Variants in SCMH1 observed in about 807,000 individuals in gnomAD.
SCMH1 encodes the protein Scm polycomb group protein homolog 1.
In SCMH1, 37 loss-of-function variants were observed where a neutral mutation model predicts 70.8. That is an observed-to-expected ratio of 0.52 (90% CI 0.40 to 0.69). The LOEUF (loss-of-function observed/expected upper bound fraction) is 0.69, where lower values mean the gene tolerates loss of function less well. Ranked by LOEUF, SCMH1 falls within the 30% of genes least tolerant of loss-of-function variation. SCMH1 has a pLI of 0.00. For missense variants in SCMH1, 607 were observed against 827.3 expected, an observed-to-expected ratio of 0.73 and a Z score of 3.27; for synonymous variants, 292 against 307.4, an observed-to-expected ratio of 0.95 and a Z score of 0.52.
chr1:41,170,381 C>A (rs1394048170), intron 2 of SCMH1, among the ~76,000 whole-genome samples: 1 of 152,172 alleles, frequency 6.6e-6, no homozygotes, highest in Non-Finnish European at 1.5e-5. Flanking sequence ...TCAGTTTTTC[C>A]TACCCATTCG....
At chr1:41,219,022 G>C (rs1305370822) in intron 1 of SCMH1, among the ~76,000 whole-genome samples, 4 of 148,360 alleles carry the variant, frequency 2.7e-5, no homozygotes, top group Non-Finnish European at 5.9e-5. Flanking sequence ...TTAGAGGGCT[G>C]GGGCTTTGAA....
chr1:41,182,364 C>A (rs1649039301), intron 2 of SCMH1, among the ~76,000 whole-genome samples: 1 of 151,950 alleles, frequency 6.6e-6, no homozygotes, highest in South Asian at 2.1e-4. Flanking sequence ...AAAAAGAAAA[C>A]AAAATCCATA....
intron 1 of SCMH1, among the ~76,000 whole-genome samples, chr1:41,198,151 A>G (rs1457958793): frequency 6.6e-6 from 1 of 152,198 alleles, no homozygotes; most frequent in Non-Finnish European, 1.5e-5. Context: ...TGATATATAG[A>G]GGGTGCTGCC....
chr1:41,108,750 C>A (rs996172799), intron 8 of SCMH1, among the ~76,000 whole-genome samples: 1 of 152,118 alleles, frequency 6.6e-6, no homozygotes, highest in Non-Finnish European at 1.5e-5. Flanking sequence ...GCTGATGAAC[C>A]TAAAATCATG....
chr1:41,238,076 G>A (rs942869547), intron 1 of SCMH1, among the ~76,000 whole-genome samples: 6 of 152,180 alleles, frequency 3.9e-5, no homozygotes, highest in African/African-American at 1.4e-4. Flanking sequence ...AGCTCACAGA[G>A]GCTAAATAAT....
intron 1 of SCMH1, among the ~76,000 whole-genome samples, chr1:41,191,576 T>A (rs879818017): frequency 2.0e-5 from 3 of 152,198 alleles, no homozygotes; most frequent in African/African-American, 7.2e-5. Context: ...GGTATAAACA[T>A]AGAACTACAG....
intron 8 of SCMH1, among the ~76,000 whole-genome samples, chr1:41,083,022 T>A (rs1408830008): frequency 6.6e-6 from 1 of 152,224 alleles, no homozygotes; most frequent in Non-Finnish European, 1.5e-5. Flanking sequence ...AATATCATAC[T>A]GAATGGGCCA....
intron 11 of SCMH1, among the ~76,000 whole-genome samples, chr1:41,047,007 A>G (rs563399195): frequency 6.6e-6 from 1 of 152,358 alleles, no homozygotes; most frequent in South Asian, 2.1e-4. Flanking sequence ...AGCCATAGCC[A>G]GCAATGGTAT....
intron 10 of SCMH1, among the ~76,000 whole-genome samples, chr1:41,051,953 C>T (rs1648332481): frequency 6.6e-6 from 1 of 152,248 alleles, no homozygotes; most frequent in Non-Finnish European, 1.5e-5. Flanking sequence ...CTCAGAGCAA[C>T]TTCCAGTATT....
At chr1:41,231,087 T>C (rs977280230) in intron 1 of SCMH1, among the ~76,000 whole-genome samples, 1 of 152,186 alleles carries the variant, frequency 6.6e-6, no homozygotes, top group Non-Finnish European at 1.5e-5. Context: ...TGTTAAGAGG[T>C]TGGCCGTCTT....
intron 8 of SCMH1, among the ~76,000 whole-genome samples, chr1:41,076,251 T>C (rs185123284): frequency 6.6e-6 from 1 of 152,336 alleles, no homozygotes; most frequent in East Asian, 1.9e-4. Context: ...ACCTCCTTAT[T>C]GAGGACTTCT....
chr1:41,225,651 C>T (rs17358122), intron 1 of SCMH1, among the ~76,000 whole-genome samples: 22,753 of 152,116 alleles, frequency 0.15, 2,213 homozygotes, highest in Non-Finnish European at 0.21. Flanking sequence ...GAGAATGCAT[C>T]GTATCCCAGA....
intron 1 of SCMH1, among the ~76,000 whole-genome samples, chr1:41,212,321 C>T (rs1185938539): frequency 2.0e-5 from 3 of 152,032 alleles, no homozygotes; most frequent in African/African-American, 7.2e-5. Flanking sequence ...GAAGCAGACT[C>T]AGAAAAATAA....
At chr1:41,178,916 A>T (rs1371322376) in intron 2 of SCMH1, among the ~76,000 whole-genome samples, 4 of 152,188 alleles carry the variant, frequency 2.6e-5, no homozygotes. Flanking sequence ...CCCCACCCCA[A>T]ATCAACAGAA....
chr1:41,100,925 C>T (rs1370725740), intron 8 of SCMH1, among the ~76,000 whole-genome samples: 1 of 151,934 alleles, frequency 6.6e-6, no homozygotes. Flanking sequence ...TGAGGCTGTC[C>T]CTGCAGTCTA....
At chr1:41,233,217 A>C (rs1406462545) in intron 1 of SCMH1, among the ~76,000 whole-genome samples, 2 of 152,088 alleles carry the variant, frequency 1.3e-5, no homozygotes, top group African/African-American at 2.4e-5. Context: ...TATAAGCCAT[A>C]TATATATAAG....
chr1:41,157,856 A>G (rs936007741), intron 4 of SCMH1, among the ~76,000 whole-genome samples: 9 of 152,202 alleles, frequency 5.9e-5, no homozygotes, highest in African/African-American at 1.4e-4. Context: ...ATATCACCAT[A>G]ATTATTTATG....
chr1:41,174,148 T>G (rs996775798), intron 2 of SCMH1, among the ~76,000 whole-genome samples: 4 of 152,164 alleles, frequency 2.6e-5, no homozygotes, highest in African/African-American at 9.7e-5. Flanking sequence ...TAATTACCAA[T>G]TTGATCATTA....
chr1:41,180,556 GACAA>G (rs1413413757), intron 2 of SCMH1, among the ~76,000 whole-genome samples: 1 of 152,108 alleles, frequency 6.6e-6, no homozygotes, highest in African/African-American at 2.4e-5. Flanking sequence ...ACCAATAACA[GACAA>G]ACAGAGAGCC....
Sources: gnomAD v4.1 joint callset for allele counts (sites outside exome capture counted in the v4.1 genomes callset) on GRCh38, gnomAD v4.1.1 for gene constraint, MANE v1.5 for transcripts, NCBI Gene and HGNC (gene_info 2026-07-23, HGNC 2026-07-21) for gene names.